Variants in SETBP1 observed in about 807,000 individuals in gnomAD.
SETBP1 encodes the protein SET-binding protein.
SETBP1 carries 9 observed loss-of-function variants against 101.0 expected under a neutral mutation model. The ratio of observed to expected loss-of-function variants is 0.09; its 90% CI spans 0.05 to 0.16. The LOEUF is 0.16. SETBP1 is among the 10% of genes least tolerant of loss of function. SETBP1 has a pLI of 1.00. For synonymous variants in SETBP1, 818 were observed against 788.5 expected, an observed-to-expected ratio of 1.04 and a Z score of -0.63; for missense variants, 1,858 against 2,033.8, an observed-to-expected ratio of 0.91 and a Z score of 1.66.
chr18:45,055,576 T>C (rs1407506031), intron 5 of SETBP1, among the ~76,000 whole-genome samples: 1 of 152,170 alleles, frequency 6.6e-6, no homozygotes, highest in Admixed American at 6.5e-5. Flanking sequence ...TTTAAGCACT[T>C]GTGATAAGTA....
chr18:45,031,021 C>G (rs1265109346), intron 4 of SETBP1, among the ~76,000 whole-genome samples: 2 of 151,906 alleles, frequency 1.3e-5, no homozygotes, highest in Non-Finnish European at 2.9e-5. Flanking sequence ...TTCAGTTCTG[C>G]TCTGATCTTA....
At chr18:45,036,279 G>A (rs2073394962) in intron 4 of SETBP1, among the ~76,000 whole-genome samples, 2 of 149,358 alleles carry the variant, frequency 1.3e-5, no homozygotes, top group African/African-American at 5.0e-5. Flanking sequence ...GTTGCAGTAA[G>A]CCAAGATTGC....
In SETBP1 at chr18:44,989,868, C is replaced by CAAAAAAA. The variant is rs1169222498; in HGVS notation, c.4000+36561_4000+36567dup. ...TGGGCGACAGAGCGAGACTCCGTCT[C>CAAAAAAA]AAAAAAAAAAAAAAAAAAAAAAAAA... On this transcript the variant is annotated intron_variant, in intron 4 of 5. Transcript: ENST00000649279. Among the ~76,000 whole-genome samples, 4 of 15,424 alleles carry CAAAAAAA rather than the reference C, an allele frequency of 2.6e-4. 1 individual carries two copies. Among genetic ancestry groups the CAAAAAAA allele is most frequent in the African/African-American group, 4.4e-4 (2 of 4,580 alleles). 10.1% of individuals were successfully genotyped at this position (15,424 alleles called of 152,430 possible). A position where few individuals can be genotyped will look rare whatever the true frequency, so the allele number is the denominator to read the frequency against.
intron 2 of SETBP1, among the ~76,000 whole-genome samples, chr18:44,793,556 G>A (rs1162287734): frequency 6.6e-6 from 1 of 152,194 alleles, no homozygotes; most frequent in Non-Finnish European, 1.5e-5. Context: ...CTTGGGTGGT[G>A]GGGACCCCCT....
At chr18:44,905,492 G>T (rs2070153356) in intron 3 of SETBP1, among the ~76,000 whole-genome samples, 1 of 152,172 alleles carries the variant, frequency 6.6e-6, no homozygotes. Flanking sequence ...TGTCTGGATG[G>T]AATTAATTAG....
rs1024970119 is a variant in SETBP1 at position 44,971,832 on chromosome 18, TTC to T, written c.4000+18493_4000+18494del. ...TTTCTCCCATTCTGTAGGTTGCCTG[TTC>T]ACTCTGATGGTAGTTTCTTTTGCTG... On this transcript the variant is annotated intron_variant, in intron 4 of 5. Transcript: ENST00000649279. Among the ~76,000 whole-genome samples, 166 of 152,326 alleles carry T rather than the reference TTC, an allele frequency of 1.1e-3. 1 individual carries two copies. The highest frequency in any genetic ancestry group is 3.7e-3 in the African/African-American group (152 of 41,574).
chr18:44,939,896 G>A (rs1320897717), intron 3 of SETBP1, among the ~76,000 whole-genome samples: 1 of 152,198 alleles, frequency 6.6e-6, no homozygotes, highest in Non-Finnish European at 1.5e-5. Flanking sequence ...GCAGTTGTTG[G>A]GTGAGGGTAA....
intron 2 of SETBP1, among the ~76,000 whole-genome samples, chr18:44,708,714 C>CT: frequency 6.7e-6 from 1 of 149,248 alleles, no homozygotes; most frequent in East Asian, 2.0e-4. Flanking sequence ...TACCTCCCTG[C>CT]TTCTCAGCTT....
intron 1 of SETBP1, among the ~76,000 whole-genome samples, chr18:44,695,157 G>A (rs1363003620): frequency 6.6e-6 from 1 of 152,168 alleles, no homozygotes; most frequent in African/African-American, 2.4e-5. Flanking sequence ...GAAAAGCAGT[G>A]AGAGAGAAAA....
At chr18:45,056,799 T>C (rs954071893) in intron 5 of SETBP1, among the ~76,000 whole-genome samples, 6 of 152,182 alleles carry the variant, frequency 3.9e-5, no homozygotes, top group African/African-American at 1.4e-4. Flanking sequence ...ACCCCACTGC[T>C]TCACCTCTCC....
chr18:44,744,303 G>T (rs2070171384), intron 2 of SETBP1, among the ~76,000 whole-genome samples: 1 of 152,224 alleles, frequency 6.6e-6, no homozygotes, highest in Non-Finnish European at 1.5e-5. Context: ...CTTCCCTGCA[G>T]GGGCCTCCCC....
At chr18:45,007,920 C>T (rs1285605434) in intron 4 of SETBP1, among the ~76,000 whole-genome samples, 1 of 152,080 alleles carries the variant, frequency 6.6e-6, no homozygotes, top group Admixed American at 6.5e-5. Flanking sequence ...CAAGTTTTTG[C>T]CCCAAGCCTT....
At chr18:44,861,891 A>AGGTTCATTAAGTTCAAATAAGTTTCTTTG (rs1215237778) in intron 2 of SETBP1, among the ~76,000 whole-genome samples, 3 of 152,226 alleles carry the variant, frequency 2.0e-5, no homozygotes, top group Non-Finnish European at 4.4e-5. Flanking sequence ...AAACTTCTGT[A>AGGTTCATTAAGTTCAAATAAGTTTCTTTG]GGTTCATTAA....
chr18:44,800,328 C>A (rs2071578574), intron 2 of SETBP1, among the ~76,000 whole-genome samples: 1 of 152,030 alleles, frequency 6.6e-6, no homozygotes. Context: ...CTTTTGGGGG[C>A]TGGGAGTCCT....
At chr18:44,785,880 A>C (rs1174142612) in intron 2 of SETBP1, among the ~76,000 whole-genome samples, 1 of 152,218 alleles carries the variant, frequency 6.6e-6, no homozygotes, top group African/African-American at 2.4e-5. Flanking sequence ...CCTTATAAGT[A>C]CATTTTATTA....
At chr18:44,830,362 A>G (rs1291828436) in intron 2 of SETBP1, among the ~76,000 whole-genome samples, 1 of 152,218 alleles carries the variant, frequency 6.6e-6, no homozygotes, top group East Asian at 1.9e-4. Flanking sequence ...ACCTTATGTA[A>G]GGTGGTATTT....
intron 5 of SETBP1, among the ~76,000 whole-genome samples, chr18:45,045,220 G>A (rs576820936): frequency 1.5e-4 from 23 of 152,250 alleles, no homozygotes; most frequent in South Asian, 2.1e-4. Context: ...TCAGGAGTTC[G>A]AGACCAGACT....
At chr18:44,938,595 G>A (rs2145034175) in intron 3 of SETBP1, among the ~76,000 whole-genome samples, 1 of 152,336 alleles carries the variant, frequency 6.6e-6, no homozygotes, top group East Asian at 1.9e-4. Context: ...TTACAGAGGA[G>A]GCGGGGCAGT....
intron 2 of SETBP1, among the ~76,000 whole-genome samples, chr18:44,794,114 C>G (rs766426723): frequency 3.3e-5 from 5 of 152,006 alleles, no homozygotes; most frequent in Non-Finnish European, 7.4e-5. Flanking sequence ...AGAGTATGAA[C>G]AGGGGAGGGC....
Sources: gnomAD v4.1 joint callset for allele counts (sites outside exome capture counted in the v4.1 genomes callset) on GRCh38, gnomAD v4.1.1 for gene constraint, MANE v1.5 for transcripts, NCBI Gene and HGNC (gene_info 2026-07-23, HGNC 2026-07-21) for gene names.